GRAMD1C: variants seen among roughly 807,000 people sequenced by gnomAD.
The protein encoded by GRAMD1C is GRAM domain containing 1C, also known as protein Aster-C.
GRAMD1C carries 89 observed loss-of-function variants against 97.8 expected under a neutral mutation model. The observed-to-expected ratio is 0.91, with a 90% CI of 0.77 to 1.09. The LOEUF is 1.09. Ranked by LOEUF, GRAMD1C falls within the 50% of genes least tolerant of loss-of-function variation. The pLI, the probability that GRAMD1C is intolerant of heterozygous loss-of-function variation, is 0.00. For missense variants in GRAMD1C, 740 were observed against 766.4 expected, an observed-to-expected ratio of 0.97 and a Z score of 0.41; for synonymous variants, 256 against 267.0, an observed-to-expected ratio of 0.96 and a Z score of 0.40.
chr3:113,869,665 T>C (rs1377831029), intron 3 of GRAMD1C, 74 bp downstream of exon 3: 4 of 709,312 alleles, frequency 5.6e-6, no homozygotes, highest in African/African-American at 1.8e-5. Flanking sequence ...ACAGTATATG[T>C]AATAAAATTT....
At chr3:113,862,788 G>T (rs1934433554) in intron 2 of GRAMD1C, among the ~76,000 whole-genome samples, 1 of 152,146 alleles carries the variant, frequency 6.6e-6, no homozygotes, top group Admixed American at 6.6e-5. Flanking sequence ...TTAATTTGGG[G>T]AACTAATAAA....
At chr3:113,891,294 AT>A (rs1935714270) in intron 6 of GRAMD1C, among the ~76,000 whole-genome samples, 1 of 152,274 alleles carries the variant, frequency 6.6e-6, no homozygotes, top group African/African-American at 2.4e-5. Flanking sequence ...AACCAGAACA[AT>A]TTTTAACGTA....
intron 5 of GRAMD1C, among the ~76,000 whole-genome samples, chr3:113,877,726 C>A (rs893554841): frequency 6.6e-6 from 1 of 151,788 alleles, no homozygotes; most frequent in Non-Finnish European, 1.5e-5. Flanking sequence ...AAGGTGGTGT[C>A]TGCAGACTTT....
At chr3:113,914,345 G>A (rs1410127933) in intron 9 of GRAMD1C, among the ~76,000 whole-genome samples, 1 of 152,186 alleles carries the variant, frequency 6.6e-6, no homozygotes, top group Non-Finnish European at 1.5e-5. Flanking sequence ...ATATCCATAA[G>A]TCCTTTATGC....
At chr3:113,904,754 A>G (rs1001177851) in intron 8 of GRAMD1C, among the ~76,000 whole-genome samples, 6 of 152,204 alleles carry the variant, frequency 3.9e-5, no homozygotes, top group African/African-American at 1.4e-4. Flanking sequence ...GGTCCAGTTA[A>G]CTACTAGGCA....
At chr3:113,877,565 G>C (rs916531516) in intron 5 of GRAMD1C, among the ~76,000 whole-genome samples, 1 of 152,124 alleles carries the variant, frequency 6.6e-6, no homozygotes. Flanking sequence ...ATTTGTGTTT[G>C]TCTGATGTTC....
chr3:113,883,780 T>C (rs1454842769), intron 6 of GRAMD1C, among the ~76,000 whole-genome samples: 1 of 152,050 alleles, frequency 6.6e-6, no homozygotes, highest in African/African-American at 2.4e-5. Context: ...TAAACATATA[T>C]AGACCTCGTA....
At chr3:113,885,301 G>C in intron 6 of GRAMD1C, 2 of 1,542,114 alleles carry the variant, frequency 1.3e-6, no homozygotes, top group Non-Finnish European at 1.8e-6. Context: ...CATCCGGATG[G>C]TGCGGACGCA....
Position 113,915,647 on chromosome 3 carries a change from A to C in GRAMD1C, c.953-54A>C, listed in dbSNP as rs1390181044. 3.3e-6 allele frequency: 5 copies of C among 1,505,544 alleles called. No individual in the cohort carries two copies. In the South Asian group the frequency reaches 4.8e-5, roughly 14 times the overall value. 93.3% of individuals were successfully genotyped at this position (1,505,544 alleles called of 1,614,324 possible). On this transcript the variant is annotated intron_variant, in intron 9 of 17. Coordinates refer to ENST00000358160, the MANE Select transcript of GRAMD1C (RefSeq NM_017577.5). ...ACCCCACGAAACCCCCTAAAGCCTTAAAATAAACTTTCTTTGATTTCTTCT... is the reference window on the plus strand; with the variant it reads ...ACCCCACGAAACCCCCTAAAGCCTTCAAATAAACTTTCTTTGATTTCTTCT...
At chr3:113,930,071 G>T (rs750797288) in intron 10 of GRAMD1C, among the ~76,000 whole-genome samples, 1 of 152,056 alleles carries the variant, frequency 6.6e-6, no homozygotes, top group African/African-American at 2.4e-5. Flanking sequence ...GTTCAAGTGG[G>T]TATTTAATCA....
intron 5 of GRAMD1C, among the ~76,000 whole-genome samples, chr3:113,877,650 C>A (rs1456345695): frequency 6.6e-6 from 1 of 152,190 alleles, no homozygotes; most frequent in Admixed American, 6.5e-5. Flanking sequence ...ACCACTACAT[C>A]CTATCAGATG....
chr3:113,913,263 G>A (rs1577198159), intron 9 of GRAMD1C: 3 of 404,294 alleles, frequency 7.4e-6, no homozygotes, highest in Admixed American at 6.3e-5. Context: ...GGTGGCGCGC[G>A]CTTGTAATCC....
At position 113,940,250 on chromosome 3, in the gene GRAMD1C, G is replaced by T; in HGVS notation, c.1813G>T (p.Asp605Tyr). 1 of 1,591,126 alleles carries T rather than the reference G, an allele frequency of 6.3e-7. No individual in the cohort carries two copies. The highest frequency in any genetic ancestry group is 8.6e-7 in the Non-Finnish European group (1 of 1,159,136). ...QEEKSLNLAS[D>Y]MVSRAETIQK... is the part of the protein sequence containing the mutation. ...GCATTTTTCTTTCAGTTTAGCCTCT[G>T]ATATGGTGTCAAGAGCAGAAACTAT... The change falls in exon 17 of 18, where the codon GAT (aspartate) becomes TAT (tyrosine). Residue 605 changes from aspartate (D) to tyrosine (Y), a missense_variant. By Grantham distance (160) the Asp-to-Tyr change is radical (BLOSUM62 -3). Transcript: ENST00000358160.
At chr3:113,910,825 C>A (rs1255367009) in intron 9 of GRAMD1C, among the ~76,000 whole-genome samples, 1 of 152,080 alleles carries the variant, frequency 6.6e-6, no homozygotes, top group Non-Finnish European at 1.5e-5. Context: ...GACGATCCCC[C>A]CTGGAGGAGA....
intron 1 of GRAMD1C, among the ~76,000 whole-genome samples, chr3:113,829,015 C>T (rs566838627): frequency 1.3e-5 from 2 of 152,264 alleles, no homozygotes; most frequent in African/African-American, 4.8e-5. Context: ...CTCTTATGAC[C>T]TTATTTTGCT....
chr3:113,837,723 A>AAAACAAACAAAC (rs58525780), upstream of GRAMD1C, among the ~76,000 whole-genome samples: 512 of 150,062 alleles, frequency 3.4e-3, 3 homozygotes, highest in Admixed American at 0.017. Flanking sequence ...CCTGTCTCAA[A>AAAACAAACAAAC]AAACAAACAA....
At chr3:113,914,035 A>G (rs1323415167) in intron 9 of GRAMD1C, among the ~76,000 whole-genome samples, 3 of 152,238 alleles carry the variant, frequency 2.0e-5, no homozygotes, top group Non-Finnish European at 4.4e-5. Flanking sequence ...ATCAATAAAA[A>G]TATAACTACA....
intron 1 of GRAMD1C, among the ~76,000 whole-genome samples, chr3:113,841,281 C>CTTTT (rs1269088707): frequency 2.3e-3 from 41 of 17,536 alleles, no homozygotes; most frequent in African/African-American, 4.3e-3. Context: ...TTCTTTCTTT[C>CTTTT]TTTCTTTTTT....
intron 12 of GRAMD1C, among the ~76,000 whole-genome samples, chr3:113,934,184 A>G (rs1373009733): frequency 6.6e-6 from 1 of 152,242 alleles, no homozygotes; most frequent in East Asian, 1.9e-4. Context: ...TTAGATAAAT[A>G]AAATTTAGGG....
Sources: gnomAD v4.1 joint callset for allele counts (sites outside exome capture counted in the v4.1 genomes callset) on GRCh38, gnomAD v4.1.1 for gene constraint, MANE v1.5 for transcripts, NCBI Gene and HGNC (gene_info 2026-07-23, HGNC 2026-07-21) for gene names.